COL25A1: variants seen among roughly 807,000 people sequenced by gnomAD.
COL25A1 encodes the protein collagen type XXV alpha 1 chain, also known as collagen alpha-1(XXV) chain.
A neutral mutation model predicts 128.4 loss-of-function variants in COL25A1; 103 were observed. The ratio of observed to expected loss-of-function variants is 0.80; its 90% CI spans 0.68 to 0.94. COL25A1 has a LOEUF of 0.94. Ranked by LOEUF, COL25A1 falls within the 40% of genes least tolerant of loss-of-function variation. The pLI, the probability that COL25A1 is intolerant of heterozygous loss-of-function variation, is 0.00. For missense variants in COL25A1, 745 were observed against 840.0 expected (o/e 0.89, Z 1.40); for synonymous variants, 279 against 277.2 (o/e 1.01, Z -0.06).
At chr4:109,240,271 G>A (rs1453694715) in intron 3 of COL25A1, among the ~76,000 whole-genome samples, 1 of 151,994 alleles carries the variant, frequency 6.6e-6, no homozygotes, top group Non-Finnish European at 1.5e-5. Context: ...AAGTGCAGTA[G>A]GTTTGTTTAC....
intron 3 of COL25A1, among the ~76,000 whole-genome samples, chr4:109,168,377 G>A (rs1331233673): frequency 6.6e-6 from 1 of 152,102 alleles, no homozygotes; most frequent in Non-Finnish European, 1.5e-5. Flanking sequence ...CAGAGTTGGG[G>A]TATTAGCTAG....
intron 5 of COL25A1, among the ~76,000 whole-genome samples, chr4:109,041,226 T>C (rs1218551624): frequency 6.6e-6 from 1 of 152,040 alleles, no homozygotes; most frequent in Non-Finnish European, 1.5e-5. Context: ...TAGAGGTGCC[T>C]AAAGATTTGA....
intron 5 of COL25A1, among the ~76,000 whole-genome samples, chr4:109,037,598 G>A (rs141124852): frequency 3.9e-5 from 6 of 152,338 alleles, no homozygotes; most frequent in African/African-American, 1.4e-4. Context: ...GCGGCAGAGA[G>A]ACTCTTTTGT....
At chr4:109,227,797 T>C (rs979607396) in intron 3 of COL25A1, among the ~76,000 whole-genome samples, 4 of 152,134 alleles carry the variant, frequency 2.6e-5, no homozygotes, top group Non-Finnish European at 4.4e-5. Context: ...GGCACTTATA[T>C]AGATATATGA....
intron 3 of COL25A1, among the ~76,000 whole-genome samples, chr4:109,179,515 A>T (rs1402719113): frequency 6.6e-6 from 1 of 152,250 alleles, no homozygotes; most frequent in African/African-American, 2.4e-5. Flanking sequence ...GTATGTTAGG[A>T]TAGAGAAAGG....
intron 3 of COL25A1, among the ~76,000 whole-genome samples, chr4:109,180,765 T>A (rs1405118597): frequency 1.3e-5 from 2 of 152,154 alleles, no homozygotes; most frequent in African/African-American, 4.8e-5. Flanking sequence ...TGAAATAATG[T>A]CAGAAAGGGC....
chr4:108,843,893 T>TATC (rs1734762962), intron 30 of COL25A1, among the ~76,000 whole-genome samples: 1 of 22,208 alleles, frequency 4.5e-5, no homozygotes, highest in Non-Finnish European at 1.0e-4. Context: ...TTATTACTAT[T>TATC]ATTATTATTA....
At chr4:109,134,431 C>T (rs914759234) in intron 3 of COL25A1, among the ~76,000 whole-genome samples, 30 of 152,148 alleles carry the variant, frequency 2.0e-4, no homozygotes, top group African/African-American at 7.2e-4. Context: ...TTCTCAATCT[C>T]TGGAGTCTAT....
At chr4:109,146,906 T>A (rs1279427184) in intron 3 of COL25A1, among the ~76,000 whole-genome samples, 2 of 152,190 alleles carry the variant, frequency 1.3e-5, no homozygotes, top group Non-Finnish European at 2.9e-5. Flanking sequence ...TCGGACCAAA[T>A]CTGTGTATGT....
At chr4:108,901,028 T>G in intron 14 of COL25A1, 91 bp downstream of exon 14, 43 of 1,004,486 alleles carry the variant, frequency 4.3e-5, no homozygotes, top group Non-Finnish European at 6.4e-5. Flanking sequence ...GTGCAACTGG[T>G]GAGATTGTTA....
At chr4:109,203,466 T>C (rs772721874) in intron 3 of COL25A1, among the ~76,000 whole-genome samples, 8 of 150,562 alleles carry the variant, frequency 5.3e-5, no homozygotes, top group Non-Finnish European at 1.0e-4. Flanking sequence ...GAAGAAGAAA[T>C]GGGACCCAGG....
At chr4:109,252,976 G>C (rs975374417) in intron 3 of COL25A1, among the ~76,000 whole-genome samples, 1 of 152,198 alleles carries the variant, frequency 6.6e-6, no homozygotes. Context: ...AAGGCAGCAG[G>C]AGTTGGGATC....
At chr4:108,892,801 A>G (rs1338085688) in intron 16 of COL25A1, among the ~76,000 whole-genome samples, 24 of 152,218 alleles carry the variant, frequency 1.6e-4, no homozygotes, top group Admixed American at 1.6e-3. Context: ...ATAGCAGGTG[A>G]CCTACCTAAT....
In COL25A1 at chr4:108,898,977, C is replaced by CTATATCTA. The variant is rs200934434; in HGVS notation, c.861+169_861+176dup. 4.6e-3 allele frequency among the ~76,000 whole-genome samples: 508 copies of CTATATCTA among 109,276 alleles called. 5 individuals are homozygous for CTATATCTA. Among genetic ancestry groups the CTATATCTA allele is most frequent in the African/African-American group, 0.014 (453 of 33,440 alleles). The allele number at this position is 109,276 out of a possible 152,430, so 71.7% of individuals were successfully genotyped here. ...GTTTGAAAAAACACAGGAGTCATAT[C>CTATATCTA]TATATCTATATATCTATATATCTAT... On this transcript the variant is annotated intron_variant, in intron 15 of 37. Transcript: ENST00000399132.
chr4:109,217,988 G>A (rs895309415), intron 3 of COL25A1, among the ~76,000 whole-genome samples: 1 of 152,164 alleles, frequency 6.6e-6, no homozygotes, highest in Non-Finnish European at 1.5e-5. Context: ...TATTCCCATA[G>A]CTAGTAAGTA....
intron 13 of COL25A1, among the ~76,000 whole-genome samples, chr4:108,913,690 T>A (rs576089060): frequency 1.3e-5 from 2 of 151,980 alleles, no homozygotes; most frequent in Admixed American, 6.6e-5. Context: ...AAATGCAGAG[T>A]TTTAATAACA....
chr4:108,869,213 TAAATAAATA>T lies in COL25A1; in HGVS notation c.1021-72_1021-64del, dbSNP rs951514818. On this transcript the variant is annotated intron_variant, in intron 19 of 37. Coordinates refer to ENST00000399132, the MANE Select transcript of COL25A1 (RefSeq NM_198721.4). ...GACAATAAATAAATAAATAAATAAA[TAAATAAATA>T]AAAACTAAACTCATTTTCTTCTACT... 1.2e-3 allele frequency: 949 copies of T among 775,198 alleles called. 8 individuals carry two copies. The highest frequency in any genetic ancestry group is 2.8e-3 in the East Asian group (70 of 24,980). 48.0% of individuals were successfully genotyped at this position (775,198 alleles called of 1,614,324 possible).
intron 6 of COL25A1, among the ~76,000 whole-genome samples, chr4:108,986,069 A>AG (rs1753641423): frequency 6.6e-6 from 1 of 152,178 alleles, no homozygotes; most frequent in Non-Finnish European, 1.5e-5. Flanking sequence ...GCCAAGTCCT[A>AG]TAGATTTCAT....
At chr4:108,948,485 C>G (rs1749032759) in intron 8 of COL25A1, among the ~76,000 whole-genome samples, 1 of 152,106 alleles carries the variant, frequency 6.6e-6, no homozygotes, top group Admixed American at 6.5e-5. Flanking sequence ...TATTGATACT[C>G]TAAATTCCAT....
Sources: allele counts gnomAD v4.1 joint callset (sites outside exome capture counted in the v4.1 genomes callset), GRCh38; gene constraint gnomAD v4.1.1; transcripts MANE v1.5; gene names NCBI Gene and HGNC (gene_info 2026-07-23, HGNC 2026-07-21).